CLVS1: variants seen among roughly 807,000 people sequenced by gnomAD.
The protein encoded by CLVS1 is clavesin 1.
A neutral mutation model predicts 33.1 loss-of-function variants in CLVS1; 10 were observed. That is an observed-to-expected ratio of 0.30 (90% confidence interval 0.19 to 0.51). CLVS1 has a LOEUF of 0.51. Among genes scored for constraint, CLVS1 ranks in the 20% least tolerant of loss-of-function variants. The pLI is 0.97. For missense variants in CLVS1, 343 were observed against 433.4 expected, an observed-to-expected ratio of 0.79 and a Z score of 1.85; for synonymous variants, 163 against 166.1, an observed-to-expected ratio of 0.98 and a Z score of 0.14.
chr8:61,343,645 G>A (rs950655272), intron 2 of CLVS1, among the ~76,000 whole-genome samples: 3 of 152,210 alleles, frequency 2.0e-5, no homozygotes, highest in Non-Finnish European at 4.4e-5. Flanking sequence ...AAAGTCAACA[G>A]TCTGGGCAAC....
At chr8:61,247,538 C>G (rs1808841509) in intron 2 of CLVS1, among the ~76,000 whole-genome samples, 1 of 152,116 alleles carries the variant, frequency 6.6e-6, no homozygotes, top group African/African-American at 2.4e-5. Context: ...ATTTGCATTT[C>G]TCTAATGATC....
the CLVS1 span, among the ~76,000 whole-genome samples, chr8:60,996,599 A>G: frequency 2.0e-5 from 3 of 152,312 alleles, no homozygotes; most frequent in South Asian, 2.1e-4. Context: ...TGAGACTGCT[A>G]TTGGGCCTCT....
chr8:61,249,060 C>G (rs73265481), intron 2 of CLVS1, among the ~76,000 whole-genome samples: 1 of 152,002 alleles, frequency 6.6e-6, no homozygotes, highest in South Asian at 2.1e-4. Context: ...GCTATTCTTC[C>G]CCAAGTCCCC....
the CLVS1 span, among the ~76,000 whole-genome samples, chr8:60,971,355 A>C: frequency 2.0e-5 from 3 of 152,206 alleles, no homozygotes; most frequent in Non-Finnish European, 4.4e-5. Flanking sequence ...CTGGGATTAC[A>C]GATGAGAGCC....
At chr8:61,457,096 C>T (rs1048515706) in intron 4 of CLVS1, among the ~76,000 whole-genome samples, 1 of 151,768 alleles carries the variant, frequency 6.6e-6, no homozygotes, top group Admixed American at 6.6e-5. Context: ...CCCCACCATG[C>T]CCAGCTAATT....
chr8:61,059,891 C>A (rs960634309), intron 1 of CLVS1, among the ~76,000 whole-genome samples: 1 of 152,016 alleles, frequency 6.6e-6, no homozygotes, highest in Non-Finnish European at 1.5e-5. Context: ...AGTTCTTACT[C>A]ACACAATGTG....
intron 2 of CLVS1, among the ~76,000 whole-genome samples, chr8:61,353,679 AC>A (rs1180988014): frequency 4.0e-5 from 6 of 151,696 alleles, no homozygotes; most frequent in African/African-American, 1.4e-4. Context: ...ACTTCAAGAA[AC>A]TAAGGAAGAA....
At chr8:61,355,210 A>T (rs1005705888) in intron 2 of CLVS1, among the ~76,000 whole-genome samples, 63 of 152,230 alleles carry the variant, frequency 4.1e-4, no homozygotes, top group African/African-American at 1.5e-3. Flanking sequence ...CATCATCTAG[A>T]AAACAATCTT....
chr8:60,983,138 G>A, the CLVS1 span, among the ~76,000 whole-genome samples: 1 of 152,020 alleles, frequency 6.6e-6, no homozygotes, highest in African/African-American at 2.4e-5. Context: ...TTTAAACATC[G>A]TACAGTCTAT....
intron 2 of CLVS1, among the ~76,000 whole-genome samples, chr8:61,214,390 C>G (rs1808041269): frequency 6.6e-6 from 1 of 152,092 alleles, no homozygotes; most frequent in East Asian, 1.9e-4. Flanking sequence ...CCCAGACGCC[C>G]AGCTTTAAAA....
At chr8:60,987,664 AATGAGATACTGAT>A in the CLVS1 span, among the ~76,000 whole-genome samples, 1 of 152,350 alleles carries the variant, frequency 6.6e-6, no homozygotes, top group East Asian at 1.9e-4. Flanking sequence ...ATGAGGGTTA[AATGAGATACTGAT>A]ATCAGGCACT....
At chr8:60,986,566 A>G in the CLVS1 span, among the ~76,000 whole-genome samples, 2 of 152,270 alleles carry the variant, frequency 1.3e-5, no homozygotes, top group African/African-American at 4.8e-5. Flanking sequence ...CTCTCAAACA[A>G]AAAGCTCGCA....
intron 2 of CLVS1, among the ~76,000 whole-genome samples, chr8:61,248,291 A>C (rs1239226062): frequency 6.6e-6 from 1 of 152,118 alleles, no homozygotes; most frequent in Non-Finnish European, 1.5e-5. Flanking sequence ...GTTCCATATA[A>C]ATTTTAAAAT....
chr8:61,034,553 A>G, the CLVS1 span, among the ~76,000 whole-genome samples: 1 of 152,030 alleles, frequency 6.6e-6, no homozygotes, highest in African/African-American at 2.4e-5. Flanking sequence ...CTCTGTAATC[A>G]CCATTCCCCT....
chr8:61,409,599 T>C (rs990320865), intron 3 of CLVS1, among the ~76,000 whole-genome samples: 7 of 152,244 alleles, frequency 4.6e-5, no homozygotes, highest in Non-Finnish European at 7.3e-5. Context: ...CTACAACCAA[T>C]GCAGCAGTGA....
Position 61,141,829 on chromosome 8 carries a change from G to C in CLVS1, c.-152+9969G>C, listed in dbSNP as rs148103545. ...TTGGCCAGTCTCTGCTGGTGACGTA[G>C]TTCCAGAGTCAGCCCCGTCTACCAT... On this transcript the variant is annotated intron_variant, in intron 2 of 2. Coordinates refer to the CLVS1 transcript ENST00000522621. 2.3e-3 allele frequency among the ~76,000 whole-genome samples: 348 copies of C among 152,316 alleles called. 1 individual carries two copies. Among genetic ancestry groups the C allele is most frequent in the African/African-American group, 7.5e-3 (312 of 41,572 alleles).
the CLVS1 span, among the ~76,000 whole-genome samples, chr8:60,975,331 G>A: frequency 8.5e-5 from 13 of 152,306 alleles, no homozygotes; most frequent in African/African-American, 3.1e-4. Context: ...GGGAAAGCAA[G>A]TGTTTGTTAT....
chr8:61,375,899 G>A (rs1229167811), intron 2 of CLVS1, among the ~76,000 whole-genome samples: 1 of 152,160 alleles, frequency 6.6e-6, no homozygotes, highest in African/African-American at 2.4e-5. Context: ...TATATGATGT[G>A]GAGGAATACA....
chr8:61,127,935 G>A (rs1806006466), intron 1 of CLVS1, among the ~76,000 whole-genome samples: 1 of 152,178 alleles, frequency 6.6e-6, no homozygotes, highest in Non-Finnish European at 1.5e-5. Context: ...TGCTCTTCAG[G>A]CGACTGCCAG....
Sources: gnomAD v4.1 joint callset for allele counts (sites outside exome capture counted in the v4.1 genomes callset) on GRCh38, gnomAD v4.1.1 for gene constraint, MANE v1.5 for transcripts, NCBI Gene and HGNC (gene_info 2026-07-23, HGNC 2026-07-21) for gene names.